The following CLMN variants were observed in gnomAD, a reference collection of about 807,000 sequenced individuals.
The protein encoded by CLMN is calmin, also known as calmin (calponin-like, transmembrane).
Under a neutral mutation model 92.7 loss-of-function variants are expected in CLMN, and 57 were observed. The observed-to-expected ratio is 0.61, with a 90% CI of 0.50 to 0.77. The LOEUF (loss-of-function observed/expected upper bound fraction) is 0.77, where lower values mean the gene tolerates loss of function less well. Ranked by LOEUF, CLMN falls within the 30% of genes least tolerant of loss-of-function variation. The pLI, the probability that CLMN is intolerant of heterozygous loss-of-function variation, is 0.00. For missense variants in CLMN, 1,158 were observed against 1,237.5 expected (o/e 0.94, Z 0.96); for synonymous variants, 466 against 470.6 (o/e 0.99, Z 0.13).
intron 1 of CLMN, among the ~76,000 whole-genome samples, chr14:95,263,942 G>A (rs752468460): frequency 2.0e-5 from 3 of 152,082 alleles, no homozygotes; most frequent in Admixed American, 1.3e-4. Context: ...CTCTGAGTCC[G>A]GATTCATGAC....
chr14:95,269,545 CT>C (rs1389416649), intron 1 of CLMN, among the ~76,000 whole-genome samples: 1 of 152,208 alleles, frequency 6.6e-6, no homozygotes, highest in African/African-American at 2.4e-5. Context: ...GGTCATTGTG[CT>C]TTATGTTCAT....
At chr14:95,219,306 TG>T (rs1337779886) in intron 4 of CLMN, among the ~76,000 whole-genome samples, 2 of 152,056 alleles carry the variant, frequency 1.3e-5, no homozygotes, top group East Asian at 3.8e-4. Context: ...GTCAATACGG[TG>T]GAAGGAAGAG....
chr14:95,317,821 T>C (rs1310520930), intron 1 of CLMN, among the ~76,000 whole-genome samples: 3 of 152,232 alleles, frequency 2.0e-5, no homozygotes, highest in East Asian at 1.9e-4. Context: ...TAAAGTTTTG[T>C]TGAACTTAAT....
chr14:95,275,041 G>A (rs2140728836), intron 1 of CLMN, among the ~76,000 whole-genome samples: 1 of 151,566 alleles, frequency 6.6e-6, no homozygotes, highest in East Asian at 1.9e-4. Flanking sequence ...CTTACTGTAG[G>A]CCAGATAGTG....
At chr14:95,236,325 C>T (rs1313985978) in intron 1 of CLMN, among the ~76,000 whole-genome samples, 1 of 152,192 alleles carries the variant, frequency 6.6e-6, no homozygotes, top group African/African-American at 2.4e-5. Flanking sequence ...CTCCAAACCC[C>T]CCTCCAGGAA....
At chr14:95,275,115 C>T (rs993477741) in intron 1 of CLMN, among the ~76,000 whole-genome samples, 1 of 152,080 alleles carries the variant, frequency 6.6e-6, no homozygotes. Flanking sequence ...ATTAAAAATC[C>T]CAGACTCAGG....
chr14:95,292,934 A>T (rs1900633928), intron 1 of CLMN, among the ~76,000 whole-genome samples: 1 of 152,206 alleles, frequency 6.6e-6, no homozygotes, highest in Non-Finnish European at 1.5e-5. Flanking sequence ...ATCCAGGGGT[A>T]ACCACGGAGC....
intron 1 of CLMN, among the ~76,000 whole-genome samples, chr14:95,273,869 G>GATA (rs1899812399): frequency 2.0e-5 from 3 of 151,892 alleles, no homozygotes; most frequent in African/African-American, 4.8e-5. Flanking sequence ...TAGATAAACC[G>GATA]ATCGTACATG....
At chr14:95,218,568 A>AC (rs1897426072) in intron 4 of CLMN, among the ~76,000 whole-genome samples, 1 of 152,142 alleles carries the variant, frequency 6.6e-6, no homozygotes, top group Non-Finnish European at 1.5e-5. Flanking sequence ...CCTGTTGGGG[A>AC]CAGTGGGCTG....
intron 3 of CLMN, 125 bp downstream of exon 3, chr14:95,223,635 A>G: frequency 1.4e-6 from 1 of 695,664 alleles, no homozygotes; most frequent in Non-Finnish European, 2.3e-6. Context: ...GGCACTAATA[A>G]AAAAAGTCAC....
At position 95,194,212 on chromosome 14, in the gene CLMN, G is replaced by C; in HGVS notation, c.2770-293C>G. On this transcript the variant is annotated intron_variant, in intron 11 of 12. Coordinates refer to ENST00000298912, the MANE Select transcript of CLMN (RefSeq NM_024734.4). The surrounding 1 kb of genome is among the most constrained non-coding windows in gnomAD (Gnocchi z 4.0). ...ACTGAGCACGTGCCACTGTCCATCG[G>C]ACCTTGACTCATGTTGCACCTCTGT... 1 of 1,396,042 alleles carries C rather than the reference G, an allele frequency of 7.2e-7. No homozygotes were observed. The highest frequency in any genetic ancestry group is 9.3e-7 in the Non-Finnish European group (1 of 1,079,258). 86.5% of individuals were successfully genotyped at this position (1,396,042 alleles called of 1,614,324 possible). A position where few individuals can be genotyped will look rare whatever the true frequency, so the allele number is the denominator to read the frequency against.
In CLMN at chr14:95,215,569, C is replaced by T. The variant is rs952820350; in HGVS notation, c.417+72G>A. ...GCCTCACTGCCTCCCTTAATCTGGCCCCACTCTCTTCTGTGGCTGCTCAGC... is the reference window on the plus strand; with the variant it reads ...GCCTCACTGCCTCCCTTAATCTGGCTCCACTCTCTTCTGTGGCTGCTCAGC... On this transcript the variant is annotated intron_variant, in intron 5 of 12. Transcript: ENST00000298912. 5 of 1,307,296 alleles carry T rather than the reference C, an allele frequency of 3.8e-6. No homozygotes were observed. In the African/African-American group the frequency reaches 7.3e-5, roughly 19 times the overall value. The allele number at this position is 1,307,296 out of a possible 1,614,324, so 81.0% of individuals were successfully genotyped here.
rs368900284 is a variant in CLMN, at chr14:95,204,370, C to A, written c.979G>T (p.Val327Phe). ...GTACGCTCCCCATTTTCAGTCAGAA[C>A]GAAGACTTTGCTCTCCTGTTCAGAA... ...TPSEQESKVF[V>F]LTENGERTYT... Residue 327 changes from valine to phenylalanine, a missense_variant, in exon 9 of 13, where the codon GTT becomes TTT. Val to Phe is a conservative substitution (Grantham distance 50). Transcript: ENST00000298912. The A allele has an allele frequency of 1.9e-6, 3 of 1,613,808 alleles. No homozygotes were observed. Among genetic ancestry groups the A allele is most frequent in the African/African-American group, 2.7e-5 (2 of 74,828 alleles).
rs115351034 is a variant in CLMN, at chr14:95,196,416, C to T, written c.2708+82G>A. 4.2e-4 allele frequency: 567 copies of T among 1,357,952 alleles called. 5 individuals carry two copies. In the African/African-American group the frequency reaches 6.7e-3, roughly 16 times the overall value. The allele number at this position is 1,357,952 out of a possible 1,614,324, so 84.1% of individuals were successfully genotyped here. On this transcript the variant is annotated intron_variant, in intron 10 of 12. Transcript: ENST00000298912. ...CTGTCCAATCCCATGCCTGCACCTC[C>T]CACCCCATCAAATCAGAAACTGCAA...
chr14:95,292,458 A>ACCCCCACCTCCC (rs1900613885), intron 1 of CLMN, among the ~76,000 whole-genome samples: 1 of 24,572 alleles, frequency 4.1e-5, no homozygotes, highest in Non-Finnish European at 9.4e-5. Context: ...CCCCACCTCC[A>ACCCCCACCTCCC]CCCCCTGCAT....
intron 1 of CLMN, among the ~76,000 whole-genome samples, chr14:95,258,791 T>C (rs530835613): frequency 8.9e-4 from 133 of 150,050 alleles, no homozygotes; most frequent in African/African-American, 3.1e-3. Context: ...GGAGGGTGTG[T>C]ATGTGTGGTG....
chr14:95,245,105 A>T, intron 1 of CLMN, among the ~76,000 whole-genome samples: 1 of 106,044 alleles, frequency 9.4e-6, no homozygotes, highest in Non-Finnish European at 1.9e-5. Flanking sequence ...TCATTTGCTA[A>T]AGGTGGACTT....
At chr14:95,196,895 C>T (rs193068603) in intron 9 of CLMN, among the ~76,000 whole-genome samples, 49 of 152,342 alleles carry the variant, frequency 3.2e-4, no homozygotes, top group Admixed American at 3.2e-3. Flanking sequence ...CTGGTACAGA[C>T]TTCAAATGCT....
chr14:95,273,266 C>T (rs1001593568), intron 1 of CLMN, among the ~76,000 whole-genome samples: 1 of 152,102 alleles, frequency 6.6e-6, no homozygotes, highest in African/African-American at 2.4e-5. Flanking sequence ...GGCTGTCTGG[C>T]CCAGGACCGC....
Sources: allele counts gnomAD v4.1 joint callset (sites outside exome capture counted in the v4.1 genomes callset), GRCh38; gene constraint gnomAD v4.1.1; non-coding constraint Gnocchi (gnomAD v3.1); transcripts MANE v1.5; gene names NCBI Gene and HGNC (gene_info 2026-07-23, HGNC 2026-07-21).